ICA1: variants seen among roughly 807,000 people sequenced by gnomAD.
The protein encoded by ICA1 is 69 kDa islet cell autoantigen.
A neutral mutation model predicts 71.0 loss-of-function variants in ICA1; 40 were observed. That is an observed-to-expected ratio of 0.56 (90% confidence interval 0.44 to 0.73). The LOEUF is 0.73. ICA1 is among the 30% of genes least tolerant of loss of function. ICA1 has a pLI of 0.00. For synonymous variants in ICA1, 207 were observed against 209.5 expected (o/e 0.99, Z 0.10); for missense variants, 578 against 576.5 (o/e 1.00, Z -0.03).
At chr7:8,252,085 C>T (rs932172297) in intron 1 of ICA1, among the ~76,000 whole-genome samples, 1 of 152,196 alleles carries the variant, frequency 6.6e-6, no homozygotes, top group East Asian at 1.9e-4. Flanking sequence ...GTTACCTCTG[C>T]TAAAGAAAAA....
At chr7:8,160,831 C>T (rs1803495038) in intron 6 of ICA1, among the ~76,000 whole-genome samples, 2 of 152,262 alleles carry the variant, frequency 1.3e-5, no homozygotes, top group Admixed American at 1.3e-4. Context: ...GGAGCTCTGA[C>T]TATAAAAAGA....
intron 6 of ICA1, among the ~76,000 whole-genome samples, chr7:8,198,673 C>T (rs1788516471): frequency 6.6e-6 from 1 of 152,092 alleles, no homozygotes; most frequent in Non-Finnish European, 1.5e-5. Context: ...TTTGGAAGGT[C>T]AAAATATGCT....
At chr7:8,127,591 T>C (rs991025883) in intron 13 of ICA1, among the ~76,000 whole-genome samples, 5 of 152,184 alleles carry the variant, frequency 3.3e-5, no homozygotes, top group Admixed American at 3.3e-4. Context: ...AGCAGTTTGA[T>C]CCTCTCAAGT....
intron 1 of ICA1, among the ~76,000 whole-genome samples, chr7:8,239,887 C>A (rs908059239): frequency 6.6e-6 from 1 of 152,238 alleles, no homozygotes; most frequent in African/African-American, 2.4e-5. Context: ...GTAAACAAAG[C>A]GGCCAGGGAA....
Position 8,234,683 on chromosome 7 carries a change from G to A in ICA1, c.17+1227C>T, listed in dbSNP as rs1801294725. ...AGTAGGATTATGGGAGACTTTCATGGTCTACTTTATATCTTTCTGCATTAT... is the reference window on the plus strand; with the variant it reads ...AGTAGGATTATGGGAGACTTTCATGATCTACTTTATATCTTTCTGCATTAT... On this transcript the variant is annotated intron_variant, in intron 2 of 13. Coordinates refer to ENST00000402384, the MANE Select transcript of ICA1 (RefSeq NM_001136020.3). The surrounding 1 kb of genome is among the most constrained non-coding windows in gnomAD (Gnocchi z 4.5). Among the ~76,000 whole-genome samples the A allele has an allele frequency of 6.6e-6, 1 of 152,150 alleles. No homozygotes were observed. Among genetic ancestry groups the A allele is most frequent in the Admixed American group, 6.6e-5 (1 of 15,260 alleles).
At chr7:8,119,939 A>G (rs17143355) in intron 13 of ICA1, among the ~76,000 whole-genome samples, 17,823 of 152,292 alleles carry the variant, frequency 0.12, 1,130 homozygotes, top group African/African-American at 0.14. Context: ...CTTTATAGAC[A>G]AAACAGATAT....
At position 8,144,134 on chromosome 7, in the gene ICA1, G is replaced by C. The variant is rs556287572; in HGVS notation, c.805-162C>G. Among the ~76,000 whole-genome samples the C allele has an allele frequency of 1.9e-4, 29 of 152,260 alleles. No individual in the cohort carries two copies. The highest frequency in any genetic ancestry group is 7.0e-4 in the African/African-American group (29 of 41,544). ...TTGGGAGGTGACCTTGAACCAATCA[G>C]CTGGAAGAAATAAAATTTTATATGG... On this transcript the variant is annotated intron_variant, in intron 8 of 13. Transcript: ENST00000402384. The surrounding 1 kb of genome is among the most constrained non-coding windows in gnomAD (Gnocchi z 4.5).
intron 6 of ICA1, among the ~76,000 whole-genome samples, chr7:8,199,039 T>C (rs1213951599): frequency 6.6e-6 from 1 of 152,108 alleles, no homozygotes; most frequent in Non-Finnish European, 1.5e-5. Flanking sequence ...AAAATGACAA[T>C]GAAAGATCAT....
intron 4 of ICA1, chr7:8,227,561 C>A: frequency 3.1e-6 from 1 of 321,618 alleles, no homozygotes; most frequent in South Asian, 2.6e-5. Context: ...TTATAAAATA[C>A]TGCCTCTACA....
intron 6 of ICA1, among the ~76,000 whole-genome samples, chr7:8,217,099 C>G (rs67340678): frequency 0.27 from 41,568 of 152,118 alleles, 5,727 homozygotes; most frequent in Middle Eastern, 0.31. Context: ...TTTGATTTTT[C>G]TCTTCTATAA....
At chr7:8,162,478 C>T (rs1324976284) in intron 6 of ICA1, among the ~76,000 whole-genome samples, 1 of 152,186 alleles carries the variant, frequency 6.6e-6, no homozygotes. Flanking sequence ...AAACACATTT[C>T]CAGCCTGAAG....
At chr7:8,159,202 T>A (rs1802794127) in intron 6 of ICA1, among the ~76,000 whole-genome samples, 1 of 152,200 alleles carries the variant, frequency 6.6e-6, no homozygotes, top group Non-Finnish European at 1.5e-5. Flanking sequence ...TAAGATCCCG[T>A]CGGAGGGAAT....
chr7:8,171,431 T>C (rs546598924), intron 6 of ICA1, among the ~76,000 whole-genome samples: 1 of 152,084 alleles, frequency 6.6e-6, no homozygotes, highest in East Asian at 1.9e-4. Context: ...GGCTTAAAGT[T>C]GTTCATAATA....
At chr7:8,156,609 C>A in intron 8 of ICA1, 1 of 404,926 alleles carries the variant, frequency 2.5e-6, no homozygotes, top group Non-Finnish European at 4.3e-6. Flanking sequence ...GAAAATATTG[C>A]TGTAGTCTTA....
chr7:8,240,172 C>T (rs1212898527), intron 1 of ICA1, among the ~76,000 whole-genome samples: 1 of 152,096 alleles, frequency 6.6e-6, no homozygotes, highest in South Asian at 2.1e-4. Context: ...CAGGTGGGTG[C>T]CCCTCTGGGA....
In ICA1 at chr7:8,186,028, T is replaced by C. The variant is rs1044541966; in HGVS notation, c.580-27376A>G. On this transcript the variant is annotated intron_variant, in intron 6 of 13. Coordinates refer to ENST00000402384, the MANE Select transcript of ICA1 (RefSeq NM_001136020.3). ...AATCATGATACACATTAGGAAGTGT[T>C]AGGTGGCAAAAGAGTGGTTGTATAA... Among the ~76,000 whole-genome samples the C allele has an allele frequency of 2.6e-5, 4 of 152,150 alleles. No individual in the cohort carries two copies. The South Asian group carries it at 6.2e-4, about 24-fold the overall frequency.
intron 6 of ICA1, among the ~76,000 whole-genome samples, chr7:8,203,035 T>C (rs142277805): frequency 1.1e-3 from 169 of 152,342 alleles, no homozygotes; most frequent in African/African-American, 3.9e-3. Flanking sequence ...TATTCAATAA[T>C]AGATATTAAC....
intron 13 of ICA1, among the ~76,000 whole-genome samples, chr7:8,121,741 A>C (rs1787045500): frequency 6.6e-6 from 1 of 152,226 alleles, no homozygotes; most frequent in Non-Finnish European, 1.5e-5. Flanking sequence ...ATTTAAAAAT[A>C]ACCCAAAGAG....
At chr7:8,205,078 C>G (rs1456399044) in intron 6 of ICA1, among the ~76,000 whole-genome samples, 3 of 109,646 alleles carry the variant, frequency 2.7e-5, no homozygotes, top group Non-Finnish European at 3.7e-5. Flanking sequence ...GGAAGACATG[C>G]AAAAAAAAAA....
Sources: gnomAD v4.1 joint callset for allele counts (sites outside exome capture counted in the v4.1 genomes callset) on GRCh38, gnomAD v4.1.1 for gene constraint, Gnocchi (gnomAD v3.1) non-coding constraint, MANE v1.5 for transcripts, NCBI Gene and HGNC (gene_info 2026-07-23, HGNC 2026-07-21) for gene names.